GMDS: variants seen among roughly 807,000 people sequenced by gnomAD.
GMDS encodes the protein GDP-mannose 4,6-dehydratase.
In GMDS, 20 loss-of-function variants were observed where a neutral mutation model predicts 49.9. The observed-to-expected ratio is 0.40, with a 90% CI of 0.28 to 0.58. GMDS has a LOEUF of 0.58. GMDS is among the 20% of genes least tolerant of loss of function. GMDS has a pLI of 0.42. For missense variants in GMDS, 362 were observed against 481.4 expected (o/e 0.75, Z 2.32); for synonymous variants, 177 against 178.6 (o/e 0.99, Z 0.07).
chr6:1,765,303 G>A (rs781584467), intron 7 of GMDS, among the ~76,000 whole-genome samples: 2 of 151,988 alleles, frequency 1.3e-5, no homozygotes, highest in Non-Finnish European at 2.9e-5. Context: ...GTTTATTTTG[G>A]CATAAAGAGT....
chr6:1,662,031 C>T (rs1351621355), intron 9 of GMDS, among the ~76,000 whole-genome samples: 2 of 152,060 alleles, frequency 1.3e-5, no homozygotes. Context: ...CAAATGGCGA[C>T]TCGCCTTGGC....
At chr6:1,771,765 A>G (rs1193763815) in intron 7 of GMDS, among the ~76,000 whole-genome samples, 6 of 152,240 alleles carry the variant, frequency 3.9e-5, no homozygotes, top group Admixed American at 3.9e-4. Flanking sequence ...GAGTTTGACA[A>G]TATCTGATAT....
At chr6:2,220,183 G>C (rs941699110) in intron 1 of GMDS, among the ~76,000 whole-genome samples, 1 of 152,228 alleles carries the variant, frequency 6.6e-6, no homozygotes, top group Non-Finnish European at 1.5e-5. Context: ...CCATCCAGCA[G>C]AACGCCTCCT....
At chr6:2,168,238 A>G (rs1046852709) in intron 1 of GMDS, among the ~76,000 whole-genome samples, 1 of 152,142 alleles carries the variant, frequency 6.6e-6, no homozygotes, top group Non-Finnish European at 1.5e-5. Context: ...TTCCCTCCTT[A>G]GCTCTCTGAG....
At chr6:2,159,327 C>T (rs768593368) in intron 1 of GMDS, among the ~76,000 whole-genome samples, 1 of 152,020 alleles carries the variant, frequency 6.6e-6, no homozygotes, top group Non-Finnish European at 1.5e-5. Context: ...TCACATGATC[C>T]GCCCACCTCA....
chr6:2,046,110 G>A (rs1016532390), intron 4 of GMDS, among the ~76,000 whole-genome samples: 3 of 152,170 alleles, frequency 2.0e-5, no homozygotes, highest in Non-Finnish European at 4.4e-5. Flanking sequence ...CTACTCAGGA[G>A]GCTGAGGTGG....
At position 2,124,651 on chromosome 6, in the gene GMDS, C is replaced by A. The variant is rs202018623; in HGVS notation, c.147+36G>T. ...TGTGGCCGCTGCATGCGAGCAACCC[C>A]ACCAGCCTGCGCCCGCTTCCCATTG... is the stretch of plus-strand genomic sequence containing the variant. On this transcript the variant is annotated intron_variant, in intron 2 of 10. Transcript: ENST00000380815. The A allele has an allele frequency of 9.1e-5, 144 of 1,576,746 alleles. No homozygotes were observed. In the African/African-American group the frequency reaches 1.7e-3, roughly 18 times the overall value.
intron 9 of GMDS, among the ~76,000 whole-genome samples, chr6:1,714,967 C>T (rs2113404866): frequency 6.6e-6 from 1 of 152,292 alleles, no homozygotes; most frequent in Non-Finnish European, 1.5e-5. Context: ...ATCTGGAGTG[C>T]TGAGCTTGTG....
At chr6:1,655,575 C>T (rs1763853664) in intron 9 of GMDS, among the ~76,000 whole-genome samples, 2 of 151,068 alleles carry the variant, frequency 1.3e-5, no homozygotes, top group South Asian at 4.2e-4. Flanking sequence ...AGTGCAGTGG[C>T]TCTCTGCAGC....
At chr6:1,689,298 T>C (rs1380699574) in intron 9 of GMDS, among the ~76,000 whole-genome samples, 1 of 151,998 alleles carries the variant, frequency 6.6e-6, no homozygotes, top group Non-Finnish European at 1.5e-5. Context: ...CAAACATGAG[T>C]CAAGAGAGCC....
At chr6:1,796,756 C>T (rs1769749175) in intron 7 of GMDS, among the ~76,000 whole-genome samples, 1 of 152,142 alleles carries the variant, frequency 6.6e-6, no homozygotes, top group Non-Finnish European at 1.5e-5. Context: ...GTTTTAGTAG[C>T]GAAAAACTTG....
intron 1 of GMDS, among the ~76,000 whole-genome samples, chr6:2,232,156 GT>G (rs34392245): frequency 1.4e-3 from 206 of 148,982 alleles, no homozygotes; most frequent in Middle Eastern, 3.5e-3. Context: ...TGTAAAACGG[GT>G]TTTTTTTTTT....
At chr6:1,662,296 T>A (rs1331248668) in intron 9 of GMDS, among the ~76,000 whole-genome samples, 2 of 152,066 alleles carry the variant, frequency 1.3e-5, no homozygotes, top group African/African-American at 4.8e-5. Context: ...GTGTGGATGA[T>A]GACAGTGATC....
intron 6 of GMDS, among the ~76,000 whole-genome samples, chr6:1,943,441 T>C (rs968933586): frequency 2.6e-5 from 4 of 152,246 alleles, no homozygotes; most frequent in African/African-American, 9.6e-5. Flanking sequence ...GTCTCTCTAG[T>C]GTCTCGCCAG....
chr6:1,926,312 A>T (rs531989821), intron 7 of GMDS, among the ~76,000 whole-genome samples: 5 of 152,184 alleles, frequency 3.3e-5, no homozygotes, highest in Non-Finnish European at 7.3e-5. Flanking sequence ...ACATGCGCAC[A>T]GAGGCTTCAG....
chr6:2,146,121 C>A (rs192686160), intron 1 of GMDS, among the ~76,000 whole-genome samples: 5 of 152,318 alleles, frequency 3.3e-5, no homozygotes, highest in Admixed American at 2.0e-4. Context: ...TCACACCTAG[C>A]AGATTAGCCA....
rs553521297 is a variant in GMDS, at chr6:1,850,091, C to T, written c.771+80012G>A. ...TTATTTTTCCCAGTGCCTTTTCTTC[C>T]TAATCCTCCTCATGCAATCTCATGG... On this transcript the variant is annotated intron_variant, in intron 7 of 10. Transcript: ENST00000380815. Among the ~76,000 whole-genome samples the T allele has an allele frequency of 2.1e-4, 32 of 152,288 alleles. 2 individuals carry two copies. The South Asian group carries it at 6.0e-3, about 29-fold the overall frequency.
intron 4 of GMDS, among the ~76,000 whole-genome samples, chr6:2,007,255 C>T (rs1210068945): frequency 6.6e-6 from 1 of 152,134 alleles, no homozygotes. Context: ...CTGTGTAACA[C>T]AAAGTGTGTT....
chr6:2,199,283 T>A (rs1233202868), intron 1 of GMDS, among the ~76,000 whole-genome samples: 1 of 152,198 alleles, frequency 6.6e-6, no homozygotes, highest in East Asian at 1.9e-4. Context: ...CAACAAAGTA[T>A]TATACTCAAA....
Sources: allele counts gnomAD v4.1 joint callset (sites outside exome capture counted in the v4.1 genomes callset), GRCh38; gene constraint gnomAD v4.1.1; transcripts MANE v1.5; gene names NCBI Gene and HGNC (gene_info 2026-07-23, HGNC 2026-07-21).